The following GHR variants were observed in gnomAD, a reference collection of about 807,000 sequenced individuals.
GHR encodes GH receptor.
A neutral mutation model predicts 67.1 loss-of-function variants in GHR; 35 were observed. The observed-to-expected ratio is 0.52, with a 90% CI of 0.40 to 0.69. The LOEUF (loss-of-function observed/expected upper bound fraction) is 0.69. Among genes scored for constraint, GHR ranks in the 30% least tolerant of loss-of-function variants. The pLI is 0.00. For synonymous variants in GHR, 272 were observed against 269.1 expected, an observed-to-expected ratio of 1.01 and a Z score of -0.10; for missense variants, 792 against 764.6, an observed-to-expected ratio of 1.04 and a Z score of -0.42.
chr5:42,621,325 G>T (rs772204384), intron 2 of GHR, among the ~76,000 whole-genome samples: 13 of 152,202 alleles, frequency 8.5e-5, no homozygotes, highest in South Asian at 4.1e-4. Flanking sequence ...TTCCCTGGAC[G>T]TCACTACTGC....
chr5:42,465,359 A>T (rs1191584938), intron 1 of GHR: 6 of 896,298 alleles, frequency 6.7e-6, no homozygotes, highest in African/African-American at 5.1e-5. Context: ...CACCAGTAAG[A>T]GAAAGTTAGG....
intron 4 of GHR, among the ~76,000 whole-genome samples, chr5:42,691,968 T>C (rs1233653383): frequency 6.6e-6 from 1 of 152,232 alleles, no homozygotes; most frequent in East Asian, 1.9e-4. Flanking sequence ...ATGTAAATGC[T>C]GTGTTTTTAA....
chr5:42,461,111 G>C (rs1260570738), intron 1 of GHR, among the ~76,000 whole-genome samples: 5 of 152,180 alleles, frequency 3.3e-5, no homozygotes, highest in African/African-American at 1.2e-4. Flanking sequence ...AAAAGGGACA[G>C]AGGTGATTTA....
At chr5:42,498,655 A>G (rs750711168) in intron 1 of GHR, among the ~76,000 whole-genome samples, 2 of 152,214 alleles carry the variant, frequency 1.3e-5, no homozygotes, top group Non-Finnish European at 2.9e-5. Context: ...GTAAAAGGCA[A>G]AAGGCAAACG....
intron 1 of GHR, among the ~76,000 whole-genome samples, chr5:42,502,619 C>T (rs558062408): frequency 4.1e-4 from 62 of 151,846 alleles, no homozygotes; most frequent in South Asian, 2.5e-3. Context: ...TCTCTCATAC[C>T]CTCATGAAGC....
intron 1 of GHR, among the ~76,000 whole-genome samples, chr5:42,477,059 T>C (rs1176624839): frequency 1.7e-5 from 2 of 117,872 alleles, no homozygotes; most frequent in Non-Finnish European, 3.3e-5. Flanking sequence ...CAGTCCCCAG[T>C]GTGTGATGTT....
chr5:42,660,333 C>G (rs1205929233), intron 3 of GHR, among the ~76,000 whole-genome samples: 1 of 152,184 alleles, frequency 6.6e-6, no homozygotes, highest in African/African-American at 2.4e-5. Context: ...CCCCTGACCC[C>G]TGAGCAGCCT....
chr5:42,555,259 A>G (rs1749246206), intron 1 of GHR, among the ~76,000 whole-genome samples: 1 of 152,206 alleles, frequency 6.6e-6, no homozygotes. Flanking sequence ...GCATAGCGAT[A>G]AATATTACAT....
At chr5:42,606,840 C>T (rs1410720351) in intron 2 of GHR, among the ~76,000 whole-genome samples, 3 of 151,898 alleles carry the variant, frequency 2.0e-5, no homozygotes, top group African/African-American at 7.3e-5. Context: ...CTGTACTAAG[C>T]CTGAGGGAAT....
chr5:42,526,820 A>T (rs2112324803), intron 1 of GHR, among the ~76,000 whole-genome samples: 1 of 152,340 alleles, frequency 6.6e-6, no homozygotes, highest in Admixed American at 6.5e-5. Context: ...AAGAATGTTA[A>T]AATCAGCTAG....
chr5:42,668,400 T>A (rs1756103068), intron 3 of GHR, among the ~76,000 whole-genome samples: 1 of 152,128 alleles, frequency 6.6e-6, no homozygotes, highest in Non-Finnish European at 1.5e-5. Context: ...TTGTAATATG[T>A]TTCACAGCAT....
chr5:42,632,683 A>C (rs937793606), intron 3 of GHR, among the ~76,000 whole-genome samples: 1 of 146,400 alleles, frequency 6.8e-6, no homozygotes, highest in Non-Finnish European at 1.5e-5. Context: ...TAGTAACCCC[A>C]AAAGGACCTT....
intron 3 of GHR, among the ~76,000 whole-genome samples, chr5:42,675,155 A>G (rs918561058): frequency 6.6e-6 from 1 of 152,226 alleles, no homozygotes; most frequent in Non-Finnish European, 1.5e-5. Context: ...AACACTGCTT[A>G]TGCAGAATAC....
chr5:42,643,137 T>C (rs1019422972), intron 3 of GHR, among the ~76,000 whole-genome samples: 6 of 152,096 alleles, frequency 3.9e-5, no homozygotes, highest in Admixed American at 2.0e-4. Flanking sequence ...CACATATGCA[T>C]TGAAGGGAAA....
At chr5:42,692,367 C>A (rs1342730462) in intron 4 of GHR, among the ~76,000 whole-genome samples, 2 of 151,900 alleles carry the variant, frequency 1.3e-5, no homozygotes, top group Non-Finnish European at 2.9e-5. Context: ...GGGAGCAAAC[C>A]TAAAGCACTT....
intron 3 of GHR, among the ~76,000 whole-genome samples, chr5:42,631,464 C>T (rs1346799970): frequency 6.6e-6 from 1 of 152,160 alleles, no homozygotes; most frequent in African/African-American, 2.4e-5. Flanking sequence ...TCACGAGCCT[C>T]ACATCCAGAT....
chr5:42,638,585 T>C (rs2112780067), intron 3 of GHR, among the ~76,000 whole-genome samples: 1 of 152,322 alleles, frequency 6.6e-6, no homozygotes, highest in South Asian at 2.1e-4. Context: ...AACACAATGG[T>C]AAGTATTTAT....
intron 1 of GHR, among the ~76,000 whole-genome samples, chr5:42,460,268 C>T (rs1217900420): frequency 6.6e-6 from 1 of 152,156 alleles, no homozygotes; most frequent in African/African-American, 2.4e-5. Context: ...ATCACCCAAA[C>T]TGTAGTATTT....
At position 42,424,586 on chromosome 5, in the gene GHR, C is replaced by T. The variant is rs1259282879; in HGVS notation, c.-12+631C>T. 7 of 1,534,784 alleles carry T rather than the reference C, an allele frequency of 4.6e-6. No individual in the cohort carries two copies. In the Admixed American group the frequency reaches 1.2e-4, roughly 26 times the overall value. ...GTCAGTAGAGTGACAGCCACCAGTC[C>T]GCATGAACTGGGGTAAGTGGAAATT... On this transcript the variant is annotated intron_variant, in intron 1 of 9. Coordinates refer to ENST00000230882, the MANE Select transcript of GHR (RefSeq NM_000163.5). This position sits in a 1 kb window ranked among gnomAD's most constrained non-coding sequence, Gnocchi z 4.1.
Sources: gnomAD v4.1 joint callset for allele counts (sites outside exome capture counted in the v4.1 genomes callset) on GRCh38, gnomAD v4.1.1 for gene constraint, Gnocchi (gnomAD v3.1) non-coding constraint, MANE v1.5 for transcripts, NCBI Gene and HGNC (gene_info 2026-07-23, HGNC 2026-07-21) for gene names.